ZNF804A: variants seen among roughly 807,000 people sequenced by gnomAD.
ZNF804A encodes the protein zinc finger protein 804A.
ZNF804A carries 2 observed loss-of-function variants against 16.5 expected under a neutral mutation model. That is an observed-to-expected ratio of 0.12 (90% confidence interval 0.05 to 0.38). The LOEUF (loss-of-function observed/expected upper bound fraction) is 0.38, where lower values mean the gene tolerates loss of function less well. Among genes scored for constraint, ZNF804A ranks in the 10% least tolerant of loss-of-function variants. The probability of loss-of-function intolerance (pLI) is 0.99; values close to 1 mark genes in which losing one functional copy is unlikely to be tolerated. For missense variants in ZNF804A, 1,473 were observed against 1,390.7 expected (o/e 1.06, Z -0.94); for synonymous variants, 534 against 489.6 (o/e 1.09, Z -1.20).
chr2:184,931,998 A>G (rs113388917), intron 2 of ZNF804A, among the ~76,000 whole-genome samples: 1 of 152,324 alleles, frequency 6.6e-6, no homozygotes, highest in African/African-American at 2.4e-5. Context: ...GCATAACAAG[A>G]GTAACAGAGT....
chr2:184,717,991 A>G (rs1693242005), intron 1 of ZNF804A, among the ~76,000 whole-genome samples: 1 of 152,188 alleles, frequency 6.6e-6, no homozygotes, highest in Non-Finnish European at 1.5e-5. Context: ...AGAGAAAAAA[A>G]TAAAAGGCAC....
chr2:184,819,986 G>A (rs1329800451), intron 1 of ZNF804A, among the ~76,000 whole-genome samples: 1 of 151,622 alleles, frequency 6.6e-6, no homozygotes, highest in South Asian at 2.1e-4. Flanking sequence ...TTTTACCGGG[G>A]GTACAAAGAA....
Position 184,627,300 on chromosome 2 carries a change from G to GT in ZNF804A, c.111+28236dup, listed in dbSNP as rs576687479. On this transcript the variant is annotated intron_variant, in intron 1 of 3. Coordinates refer to ENST00000302277, the MANE Select transcript of ZNF804A (RefSeq NM_194250.2). Reference sequence around the variant, plus strand: ...CAGTATATCAAAATTTCATGTTTGTGTTTTTTCCAGAAAAAAAAATACATT... The same window carrying GT: ...CAGTATATCAAAATTTCATGTTTGTGTTTTTTTCCAGAAAAAAAAATACATT... Among the ~76,000 whole-genome samples, 10 of 151,582 alleles carry GT rather than the reference G, an allele frequency of 6.6e-5. No homozygotes were observed. The South Asian group carries it at 1.9e-3, about 28-fold the overall frequency.
At chr2:184,765,221 G>A (rs1694099906) in intron 1 of ZNF804A, among the ~76,000 whole-genome samples, 1 of 152,146 alleles carries the variant, frequency 6.6e-6, no homozygotes, top group East Asian at 1.9e-4. Context: ...GACTTCAGTA[G>A]CATATTAGTG....
At chr2:184,684,169 AT>A (rs1692588880) in intron 1 of ZNF804A, among the ~76,000 whole-genome samples, 1 of 152,210 alleles carries the variant, frequency 6.6e-6, no homozygotes, top group Non-Finnish European at 1.5e-5. Context: ...GTAATGAATG[AT>A]TTGTGAGTTT....
chr2:184,818,276 T>C (rs763765164), intron 1 of ZNF804A, among the ~76,000 whole-genome samples: 3 of 151,970 alleles, frequency 2.0e-5, no homozygotes, highest in Non-Finnish European at 4.4e-5. Context: ...AGAAAATAAT[T>C]TGCAACCCAG....
At chr2:184,690,801 G>A in intron 1 of ZNF804A, among the ~76,000 whole-genome samples, 1 of 151,900 alleles carries the variant, frequency 6.6e-6, no homozygotes, top group Non-Finnish European at 1.5e-5. Context: ...ACTGTGGGTG[G>A]TTTAGAAAAA....
In ZNF804A at chr2:184,936,421, T is replaced by C. The variant is rs767729772; in HGVS notation, c.1025T>C (p.Ile342Thr). The C allele has an allele frequency of 6.2e-7, 1 of 1,613,998 alleles. No homozygotes were observed. The change falls in exon 4 of 4, where the codon ATT (isoleucine) becomes ACT (threonine). Residue 342 changes from isoleucine (I) to threonine (T), a missense_variant. Ile to Thr is a moderately conservative substitution (Grantham distance 89, BLOSUM62 -1). Transcript: ENST00000302277. ...ADQIPLESVV[I>T]NEDIPVSGNS... is the part of the protein sequence containing the mutation. ...CAAATACCACTAGAGAGTGTTGTTA[T>C]TAATGAAGACATACCTGTTAGTGGT...
intron 2 of ZNF804A, among the ~76,000 whole-genome samples, chr2:184,883,633 A>G (rs1684842996): frequency 1.3e-5 from 2 of 152,256 alleles, no homozygotes; most frequent in South Asian, 4.1e-4. Flanking sequence ...CTGGGATGCA[A>G]GGTTGGTTCA....
At position 184,684,938 on chromosome 2, in the gene ZNF804A, G is replaced by A. The variant is rs1451028886; in HGVS notation, c.111+85868G>A. Among the ~76,000 whole-genome samples, 3 of 152,078 alleles carry A rather than the reference G, an allele frequency of 2.0e-5. No homozygotes were observed. The South Asian group carries it at 6.2e-4, about 32-fold the overall frequency. On this transcript the variant is annotated intron_variant, in intron 1 of 3. Coordinates refer to ENST00000302277, the MANE Select transcript of ZNF804A (RefSeq NM_194250.2). ...ATTCCATGGTGTATATAGGTCATGG[G>A]ATCTATGGTGGTGCCTTCTGCCTGA...
chr2:184,605,858 A>G (rs529435387), intron 1 of ZNF804A, among the ~76,000 whole-genome samples: 1 of 152,288 alleles, frequency 6.6e-6, no homozygotes, highest in East Asian at 1.9e-4. Context: ...TAAATGTATT[A>G]TAGTACACTT....
chr2:184,877,476 A>T (rs975123010), intron 2 of ZNF804A, among the ~76,000 whole-genome samples: 1 of 152,082 alleles, frequency 6.6e-6, no homozygotes, highest in Non-Finnish European at 1.5e-5. Flanking sequence ...AATCCTATCA[A>T]GAACCAAACC....
intron 2 of ZNF804A, among the ~76,000 whole-genome samples, chr2:184,903,309 C>A (rs1384307096): frequency 2.0e-5 from 3 of 151,946 alleles, no homozygotes; most frequent in African/African-American, 7.3e-5. Flanking sequence ...TAGCAATGAC[C>A]CCATAAGGTT....
rs147542333 is a variant in ZNF804A, at chr2:184,880,858, G to A, written c.255+14346G>A. Among the ~76,000 whole-genome samples the A allele has an allele frequency of 2.3e-3, 349 of 152,116 alleles. 1 individual carries two copies. Among genetic ancestry groups the A allele is most frequent in the African/African-American group, 7.7e-3 (321 of 41,510 alleles). On this transcript the variant is annotated intron_variant, in intron 2 of 3. Transcript: ENST00000302277. The stretch of plus-strand genomic sequence containing the variant: ...ACCAATACCACCTATGAAGGCAGAA[G>A]CCCTCATGGCCTTATCATCTCTTAA...
chr2:184,843,011 C>A (rs1268680795), intron 1 of ZNF804A, among the ~76,000 whole-genome samples: 1 of 152,106 alleles, frequency 6.6e-6, no homozygotes, highest in African/African-American at 2.4e-5. Context: ...TTACTTAAAA[C>A]CCCTGCTTTG....
intron 1 of ZNF804A, among the ~76,000 whole-genome samples, chr2:184,644,572 G>T (rs969211129): frequency 1.3e-5 from 2 of 151,670 alleles, no homozygotes; most frequent in Non-Finnish European, 3.0e-5. Flanking sequence ...GACATTTTAT[G>T]TCCTGTAATG....
At chr2:184,805,225 AC>A (rs1694784129) in intron 1 of ZNF804A, among the ~76,000 whole-genome samples, 1 of 152,152 alleles carries the variant, frequency 6.6e-6, no homozygotes, top group African/African-American at 2.4e-5. Flanking sequence ...TTTAAGAAAA[AC>A]AGGTAATAGT....
intron 1 of ZNF804A, among the ~76,000 whole-genome samples, chr2:184,731,562 CG>C (rs899378645): frequency 7.2e-6 from 1 of 139,460 alleles, no homozygotes; most frequent in African/African-American, 2.7e-5. Context: ...AGGTCTTTAA[CG>C]CTTTTTTTTT....
intron 1 of ZNF804A, among the ~76,000 whole-genome samples, chr2:184,756,400 A>G (rs1693959656): frequency 6.6e-6 from 1 of 151,990 alleles, no homozygotes; most frequent in Non-Finnish European, 1.5e-5. Flanking sequence ...CGTAAATTTT[A>G]TAATGAATAT....
Sources: gnomAD v4.1 joint callset for allele counts (sites outside exome capture counted in the v4.1 genomes callset) on GRCh38, gnomAD v4.1.1 for gene constraint, MANE v1.5 for transcripts, NCBI Gene and HGNC (gene_info 2026-07-23, HGNC 2026-07-21) for gene names.